The following CSAD variants were observed in gnomAD, a reference collection of about 807,000 sequenced individuals.
CSAD encodes P-selectin cytoplasmic tail-associated protein.
A neutral mutation model predicts 61.5 loss-of-function variants in CSAD; 47 were observed. That is an observed-to-expected ratio of 0.76 (90% CI 0.60 to 0.97). The LOEUF is 0.97. Ranked by LOEUF, CSAD falls within the 50% of genes least tolerant of loss-of-function variation. The probability of loss-of-function intolerance (pLI) is 0.00; values close to 1 mark genes in which losing one functional copy is unlikely to be tolerated. For missense variants in CSAD, 611 were observed against 643.6 expected (o/e 0.95, Z 0.55); for synonymous variants, 245 against 252.7 (o/e 0.97, Z 0.29).
In CSAD at chr12:53,171,402, C is replaced by T. The variant is rs200673743; in HGVS notation, c.491G>A (p.Arg164His). The change falls in exon 8 of 17, where the codon CGC (arginine) becomes CAC (histidine). Residue 164 changes from arginine (R) to histidine (H), a missense_variant. Physicochemically the swap from Arg to His is conservative, Grantham distance 29. Transcript: ENST00000444623. ...ISNMYAVNLA[R>H]YQRYPDCKQR... is the part of the protein sequence containing the mutation. Reference sequence around the variant, plus strand: ...CTTGCAATCCGGGTAGCGCTGATAGCGGGCCAGATTTACAGCATACATGTT... The same window carrying T: ...CTTGCAATCCGGGTAGCGCTGATAGTGGGCCAGATTTACAGCATACATGTT... The T allele has an allele frequency of 1.9e-5, 30 of 1,613,930 alleles. No individual in the cohort carries two copies. Among genetic ancestry groups the T allele is most frequent in the African/African-American group, 2.7e-5 (2 of 75,052 alleles).
At chr12:53,174,307 C>CAAAAAAAA (rs5798236) in intron 2 of CSAD, among the ~76,000 whole-genome samples, 1 of 102,924 alleles carries the variant, frequency 9.7e-6, no homozygotes, top group African/African-American at 3.2e-5. Flanking sequence ...GACTCCATCT[C>CAAAAAAAA]AAAAAAAAAA....
intron 2 of CSAD, among the ~76,000 whole-genome samples, chr12:53,174,753 C>T (rs1048634181): frequency 1.2e-4 from 18 of 152,266 alleles, no homozygotes; most frequent in Admixed American, 9.8e-4. Flanking sequence ...GATGGTACCA[C>T]TGCACTCCAG....
Position 53,164,322 on chromosome 12 carries a change from A to C in CSAD, c.703-2933T>G, listed in dbSNP as rs995264624. On this transcript the variant is annotated intron_variant, in intron 10 of 16. Transcript: ENST00000444623. ...GAAAAGTCCAATAGCAAAGACATGG[A>C]ATCAACCTAGGTACCCACCAACAGT... The C allele has an allele frequency of 1.7e-5, 3 of 180,562 alleles. No individual in the cohort carries two copies. The Admixed American group carries it at 1.7e-4, about 10-fold the overall frequency. 11.2% of individuals were successfully genotyped at this position (180,562 alleles called of 1,614,324 possible). A position where few individuals can be genotyped will look rare whatever the true frequency, so the allele number is the denominator to read the frequency against.
chr12:53,161,358 G>C lies in CSAD; in HGVS notation c.734C>G (p.Ser245Cys). The C allele has an allele frequency of 6.2e-7, 1 of 1,614,014 alleles. No homozygotes were observed. Among genetic ancestry groups the C allele is most frequent in the Non-Finnish European group, 8.5e-7 (1 of 1,179,958 alleles). ...AAAGGCCCCTAGCACAGTGGTGCCA[G>C]AGGTGGCACTGACCAGGAACGGCAC... The part of the protein sequence containing the change: ...GAVPFLVSAT[S>C]GTTVLGAFDP... Residue 245 changes from serine to cysteine, a missense_variant, in exon 11 of 17, where the codon TCT (serine) becomes TGT (cysteine). Transcript: ENST00000444623.
chr12:53,171,500 G>GCCT, intron 7 of CSAD, 59 bp from the exon 8 acceptor site: 2 of 1,529,430 alleles, frequency 1.3e-6, no homozygotes, highest in Non-Finnish European at 1.8e-6. Flanking sequence ...ACTGGAGCTT[G>GCCT]CCTCCCTTCC....
chr12:53,163,148 T>C (rs553010270), intron 10 of CSAD, among the ~76,000 whole-genome samples: 64 of 151,822 alleles, frequency 4.2e-4, no homozygotes, highest in African/African-American at 1.4e-3. Context: ...GGTGGGAGGA[T>C]CACTTGAGCC....
At chr12:53,159,323 G>A (rs545564435) in intron 16 of CSAD, among the ~76,000 whole-genome samples, 33 of 152,282 alleles carry the variant, frequency 2.2e-4, no homozygotes, top group African/African-American at 7.9e-4. Flanking sequence ...GCTTTTCCAT[G>A]ATCATTCTGC....
In CSAD at chr12:53,162,992, C is replaced by T. The variant is rs1461038018; in HGVS notation, c.703-1603G>A. Among the ~76,000 whole-genome samples the T allele has an allele frequency of 5.3e-5, 8 of 150,902 alleles. No individual in the cohort carries two copies. The Admixed American group carries it at 5.3e-4, about 10-fold the overall frequency. ...AGGAGAATGGCTTAAACCCGGGAGG[C>T]GGAGGTTGCTGTGAGCCAAGATCAC... is the stretch of plus-strand genomic sequence containing the variant. On this transcript the variant is annotated intron_variant, in intron 10 of 16. Transcript: ENST00000444623.
At chr12:53,170,154 C>G (rs745735128) in intron 9 of CSAD, 28 bp from the exon 10 acceptor site, 9 of 1,605,916 alleles carry the variant, frequency 5.6e-6, no homozygotes, top group Non-Finnish European at 6.0e-6. Context: ...GAGGGTAGAG[C>G]AGGGACAGGT....
chr12:53,180,077 G>A (rs1592374292), intron 1 of CSAD: 2 of 1,395,582 alleles, frequency 1.4e-6, no homozygotes, highest in Non-Finnish European at 9.3e-7. Context: ...GCAGAGGAGG[G>A]CTGGGGCTTT....
intron 16 of CSAD, among the ~76,000 whole-genome samples, chr12:53,158,991 C>G (rs1938911242): frequency 6.6e-6 from 1 of 152,216 alleles, no homozygotes; most frequent in African/African-American, 2.4e-5. Flanking sequence ...AGTCTAACTT[C>G]AAGCCTTGGT....
intron 10 of CSAD, among the ~76,000 whole-genome samples, chr12:53,168,627 C>T (rs904469498): frequency 7.9e-5 from 12 of 151,972 alleles, no homozygotes; most frequent in Non-Finnish European, 1.5e-4. Context: ...ATATTCTCAC[C>T]TATTCTTTTA....
rs760633157 is a variant in CSAD at position 53,161,255 on chromosome 12, A to G, written c.819+18T>C. On this transcript the variant is annotated intron_variant, in intron 11 of 16. Transcript: ENST00000444623. Reference sequence around the variant, plus strand: ...CTCAGCCCACCCCACCGCACCCCCAAGCCGAAGTCCCACTCACATCCACAT... The same window carrying G: ...CTCAGCCCACCCCACCGCACCCCCAGGCCGAAGTCCCACTCACATCCACAT... 3.9e-5 allele frequency: 63 copies of G among 1,613,872 alleles called. 2 individuals are homozygous for G. In the Middle Eastern group the frequency reaches 6.6e-4, roughly 17 times the overall value.
rs758172438 is a variant in CSAD, at chr12:53,180,727, C to T, written c.-91+5G>A. ...ACGGGCCGGGGTTGGTGTTTGTAAA[C>T]TTGCCTCGGTCCCGGTGGGGGCAGC... On this transcript the variant is annotated splice_donor_5th_base_variant and intron_variant, in intron 1 of 16. Coordinates refer to ENST00000444623, the MANE Select transcript of CSAD (RefSeq NM_001244705.2). 2 of 1,264,376 alleles carry T rather than the reference C, an allele frequency of 1.6e-6. No homozygotes were observed. The highest frequency in any genetic ancestry group is 1.3e-5 in the South Asian group (1 of 78,336). 78.3% of individuals were successfully genotyped at this position (1,264,376 alleles called of 1,614,324 possible).
At chr12:53,180,956 G>A (rs2121526960), upstream of CSAD, 2 of 361,924 alleles carry the variant, frequency 5.5e-6, no homozygotes, top group Non-Finnish European at 7.7e-6. Context: ...GGCGCGTGGC[G>A]AAGGGAGGGG....
Position 53,158,658 on chromosome 12 carries a change from C to T in CSAD, c.1335G>A (p.Met445Ile). ...SKVAPVLKERMVKEGSMMIGY... is the reference protein window; with the variant it reads ...SKVAPVLKERIVKEGSMMIGY... ...CAATCATCATGGAGCCCTCCTTCACCATGCGCTCCTTGAGCACGGGGGCCA... is the reference window on the plus strand; with the variant it reads ...CAATCATCATGGAGCCCTCCTTCACTATGCGCTCCTTGAGCACGGGGGCCA... The change falls in exon 17 of 17, where the codon ATG (methionine) becomes ATA (isoleucine). Residue 445 changes from methionine (M) to isoleucine (I), a missense_variant. Met to Ile is a conservative substitution (Grantham distance 10). Transcript: ENST00000444623. 1 of 1,614,170 alleles carries T rather than the reference C, an allele frequency of 6.2e-7. No individual in the cohort carries two copies. The highest frequency in any genetic ancestry group is 8.5e-7 in the Non-Finnish European group (1 of 1,180,030).
intron 2 of CSAD, among the ~76,000 whole-genome samples, chr12:53,175,295 C>T (rs1449766236): frequency 6.6e-6 from 1 of 152,128 alleles, no homozygotes; most frequent in Non-Finnish European, 1.5e-5. Flanking sequence ...CATTGCAATG[C>T]TATTTGAATA....
chr12:53,180,685 G>C (rs1207103559), intron 1 of CSAD, 47 bp downstream of exon 1: 1 of 1,274,966 alleles, frequency 7.8e-7, no homozygotes, highest in Admixed American at 2.4e-5. Flanking sequence ...GGGGGAGGGG[G>C]AAGTGCTTCC....
At chr12:53,161,056 C>T (rs1939221698) in intron 12 of CSAD, 71 bp downstream of exon 12, 1 of 1,493,794 alleles carries the variant, frequency 6.7e-7, no homozygotes, top group African/African-American at 1.4e-5. Flanking sequence ...TGTTAAACTC[C>T]CTAGTCCATG....
Sources: allele counts gnomAD v4.1 joint callset (sites outside exome capture counted in the v4.1 genomes callset), GRCh38; gene constraint gnomAD v4.1.1; transcripts MANE v1.5; gene names NCBI Gene and HGNC (gene_info 2026-07-23, HGNC 2026-07-21).